UMAD1: variants seen among roughly 807,000 people sequenced by gnomAD.
The protein encoded by UMAD1 is UBAP1-MVB12-associated (UMA) domain containing 1.
A neutral mutation model predicts 6.1 loss-of-function variants in UMAD1; 8 were observed. The observed-to-expected ratio is 1.30, with a 90% CI of 0.76 to 2.35. UMAD1 has a LOEUF of 2.35. UMAD1 is among the 30% of genes most tolerant of loss of function. The pLI, the probability that UMAD1 is intolerant of heterozygous loss-of-function variation, is 0.00. For synonymous variants in UMAD1, 56 were observed against 31.4 expected (o/e 1.78, Z -2.61); for missense variants, 130 against 78.4 (o/e 1.66, Z -2.49).
At chr7:7,841,390 G>C (rs10277940) in intron 3 of UMAD1, among the ~76,000 whole-genome samples, 89,407 of 150,592 alleles carry the variant, frequency 0.59, 27,330 homozygotes, top group Middle Eastern at 0.71. Flanking sequence ...TCATGGCTCA[G>C]ATTTCAGGCT....
intron 3 of UMAD1, among the ~76,000 whole-genome samples, chr7:7,853,226 A>T (rs7803807): frequency 6.6e-6 from 1 of 151,508 alleles, no homozygotes; most frequent in South Asian, 2.1e-4. Flanking sequence ...CTCATGACTA[A>T]TATTGCCTAA....
At chr7:7,649,419 C>T (rs1432732022) in intron 1 of UMAD1, among the ~76,000 whole-genome samples, 1 of 152,114 alleles carries the variant, frequency 6.6e-6, no homozygotes, top group Non-Finnish European at 1.5e-5. Context: ...GAGGTCAGAG[C>T]TCTCATAACC....
intron 3 of UMAD1, among the ~76,000 whole-genome samples, chr7:7,865,308 G>A (rs928498823): frequency 6.6e-5 from 10 of 152,206 alleles, no homozygotes; most frequent in African/African-American, 1.9e-4. Context: ...GGAAGTTAGC[G>A]TTGGAATTGA....
chr7:7,714,260 T>G (rs1238514041), intron 2 of UMAD1, among the ~76,000 whole-genome samples: 1 of 152,338 alleles, frequency 6.6e-6, no homozygotes, highest in East Asian at 1.9e-4. Context: ...CATTTCCAAC[T>G]TTTCTATAAA....
At chr7:7,835,859 A>G (rs990025831) in intron 3 of UMAD1, among the ~76,000 whole-genome samples, 1 of 151,532 alleles carries the variant, frequency 6.6e-6, no homozygotes, top group African/African-American at 2.4e-5. Flanking sequence ...ATCTTGCTTT[A>G]TTTGCTTGTT....
chr7:7,842,019 G>T (rs1298617789), intron 3 of UMAD1, among the ~76,000 whole-genome samples: 2 of 152,158 alleles, frequency 1.3e-5, no homozygotes, highest in Non-Finnish European at 2.9e-5. Flanking sequence ...ATGACACCAG[G>T]CAGTAAACAA....
intron 2 of UMAD1, among the ~76,000 whole-genome samples, chr7:7,691,889 C>T (rs1432885372): frequency 6.6e-6 from 1 of 152,150 alleles, no homozygotes; most frequent in Non-Finnish European, 1.5e-5. Context: ...TGGCTAGTAG[C>T]TCAGTTTAGC....
intron 1 of UMAD1, among the ~76,000 whole-genome samples, chr7:7,666,576 A>C (rs1056038598): frequency 2.6e-5 from 4 of 152,204 alleles, no homozygotes; most frequent in African/African-American, 9.6e-5. Context: ...ATTCTAATTT[A>C]CTTTTCCTTG....
At chr7:7,700,253 A>AG (rs1040694798) in intron 2 of UMAD1, among the ~76,000 whole-genome samples, 2 of 152,204 alleles carry the variant, frequency 1.3e-5, no homozygotes, top group African/African-American at 4.8e-5. Flanking sequence ...TGGAAGGGTC[A>AG]GGGTGGCTTT....
At chr7:7,797,200 T>TA (rs1462221419) in intron 2 of UMAD1, among the ~76,000 whole-genome samples, 1 of 152,086 alleles carries the variant, frequency 6.6e-6, no homozygotes, top group African/African-American at 2.4e-5. Flanking sequence ...GCCAGACTCT[T>TA]AAACAACCAC....
chr7:7,771,901 A>G (rs932211400), intron 2 of UMAD1, among the ~76,000 whole-genome samples: 3 of 152,096 alleles, frequency 2.0e-5, no homozygotes, highest in Non-Finnish European at 2.9e-5. Flanking sequence ...CTTAACAACT[A>G]TTTTTGTATA....
intron 1 of UMAD1, among the ~76,000 whole-genome samples, chr7:7,649,445 G>C (rs1006389765): frequency 6.6e-6 from 1 of 152,126 alleles, no homozygotes; most frequent in African/African-American, 2.4e-5. Context: ...ACCTTTTATA[G>C]GTCCCAGCTC....
chr7:7,860,379 A>G (rs191580293), intron 3 of UMAD1, among the ~76,000 whole-genome samples: 63 of 152,188 alleles, frequency 4.1e-4, no homozygotes, highest in Middle Eastern at 3.4e-3. Flanking sequence ...ATTGTCTTCC[A>G]TCTACTTAAA....
chr7:7,659,204 TA>T (rs1785415356), intron 1 of UMAD1, among the ~76,000 whole-genome samples: 1 of 152,194 alleles, frequency 6.6e-6, no homozygotes, highest in African/African-American at 2.4e-5. Flanking sequence ...TTTTCTTCTT[TA>T]TTGGTCTTGC....
At chr7:7,778,423 C>G (rs1408573045) in intron 2 of UMAD1, among the ~76,000 whole-genome samples, 1 of 150,432 alleles carries the variant, frequency 6.6e-6, no homozygotes, top group African/African-American at 2.4e-5. Context: ...TCTTTTTTTT[C>G]TTTCTTTCTT....
intron 2 of UMAD1, among the ~76,000 whole-genome samples, chr7:7,778,263 T>A (rs1233516757): frequency 3.9e-4 from 53 of 135,870 alleles, no homozygotes; most frequent in African/African-American, 1.4e-3. Flanking sequence ...TGTGTGTGTG[T>A]GTGTGTGTGT....
At chr7:7,685,152 A>G (rs984942276) in intron 2 of UMAD1, among the ~76,000 whole-genome samples, 2 of 152,164 alleles carry the variant, frequency 1.3e-5, no homozygotes, top group African/African-American at 4.8e-5. Flanking sequence ...TGAGTAATTC[A>G]TATAGGGTTG....
intron 3 of UMAD1, among the ~76,000 whole-genome samples, chr7:7,874,902 C>T (rs1784388684): frequency 6.6e-6 from 1 of 152,082 alleles, no homozygotes. Context: ...CATGTGTATT[C>T]AGTTTGTAAA....
intron 2 of UMAD1, among the ~76,000 whole-genome samples, chr7:7,686,550 A>G (rs995082779): frequency 6.6e-6 from 1 of 152,220 alleles, no homozygotes; most frequent in African/African-American, 2.4e-5. Flanking sequence ...ATTACTGAGA[A>G]GGCATGCACG....
Sources: gnomAD v4.1 joint callset for allele counts (sites outside exome capture counted in the v4.1 genomes callset) on GRCh38, gnomAD v4.1.1 for gene constraint, MANE v1.5 for transcripts, NCBI Gene and HGNC (gene_info 2026-07-23, HGNC 2026-07-21) for gene names.